SMCO3: variants seen among roughly 807,000 people sequenced by gnomAD.
The protein encoded by SMCO3 is single-pass membrane protein with coiled-coil domains 3.
Under a neutral mutation model 12.0 loss-of-function variants are expected in SMCO3, and 6 were observed. That is an observed-to-expected ratio of 0.50 (90% CI 0.27 to 0.99). The LOEUF is 0.99. Among genes scored for constraint, SMCO3 ranks in the 50% least tolerant of loss-of-function variants. The probability of loss-of-function intolerance (pLI) is 0.11; values close to 1 mark genes in which losing one functional copy is unlikely to be tolerated. For synonymous variants in SMCO3, 96 were observed against 96.4 expected, an observed-to-expected ratio of 1.00 and a Z score of 0.02; for missense variants, 279 against 265.0, an observed-to-expected ratio of 1.05 and a Z score of -0.37.
At position 14,805,982 on chromosome 12, in the gene SMCO3, A is replaced by G; in HGVS notation, c.*21T>C. On this transcript the variant is annotated 3_prime_UTR_variant, in exon 2 of 2. Coordinates refer to ENST00000316048, the MANE Select transcript of SMCO3 (RefSeq NM_001013698.2). ...TGAAAAGGAAGCAGAAAAACACTTC[A>G]GTGGCAAATAAAACGGCTGTTCATT... The G allele has an allele frequency of 6.3e-7, 1 of 1,577,468 alleles. No individual in the cohort carries two copies. The highest frequency in any genetic ancestry group is 8.6e-7 in the Non-Finnish European group (1 of 1,161,476).
At chr12:14,807,691 T>G (rs1950074900) in intron 1 of SMCO3, among the ~76,000 whole-genome samples, 1 of 152,186 alleles carries the variant, frequency 6.6e-6, no homozygotes, top group African/African-American at 2.4e-5. Flanking sequence ...TAAAATTTCA[T>G]GTGGGGAGAA....
chr12:14,811,082 A>C (rs948947928), intron 1 of SMCO3, among the ~76,000 whole-genome samples: 4 of 152,246 alleles, frequency 2.6e-5, no homozygotes, highest in African/African-American at 9.6e-5. Flanking sequence ...ATCCAGCTCT[A>C]ATTAACTACA....
At chr12:14,811,051 C>T (rs1248932758) in intron 1 of SMCO3, among the ~76,000 whole-genome samples, 1 of 152,146 alleles carries the variant, frequency 6.6e-6, no homozygotes, top group African/African-American at 2.4e-5. Flanking sequence ...ATTGTAGCAC[C>T]AACAGCAAGT....
In SMCO3 at chr12:14,805,783, T is replaced by C; in HGVS notation, c.*220A>G. On this transcript the variant is annotated 3_prime_UTR_variant, in exon 2 of 2. Transcript: ENST00000316048. ...GGTGTGAAAACATCCAGGGAGAAAATTTTTTTACCTCACAGGGTCTAGCAT... is the reference window on the plus strand; with the variant it reads ...GGTGTGAAAACATCCAGGGAGAAAACTTTTTTACCTCACAGGGTCTAGCAT... 1 of 526,194 alleles carries C rather than the reference T, an allele frequency of 1.9e-6. No individual in the cohort carries two copies. Among genetic ancestry groups the C allele is most frequent in the Middle Eastern group, 5.0e-4 (1 of 2,006 alleles). The allele number at this position is 526,194 out of a possible 1,614,324, so 32.6% of individuals were successfully genotyped here.
chr12:14,806,820 T>G, intron 1 of SMCO3, 124 bp from the exon 2 acceptor site: 1 of 893,362 alleles, frequency 1.1e-6, no homozygotes, highest in Non-Finnish European at 1.7e-6. Flanking sequence ...CTAAGGATAA[T>G]TCCTCAGAAC....
At chr12:14,809,680 C>T (rs146985930) in intron 1 of SMCO3, among the ~76,000 whole-genome samples, 9 of 151,882 alleles carry the variant, frequency 5.9e-5, no homozygotes, top group East Asian at 1.9e-4. Context: ...TTTCAAATAT[C>T]GGTATGGAGT....
intron 1 of SMCO3, among the ~76,000 whole-genome samples, chr12:14,812,438 C>T (rs969253807): frequency 2.7e-5 from 4 of 150,742 alleles, no homozygotes; most frequent in Non-Finnish European, 4.4e-5. Flanking sequence ...AGGGAGACTC[C>T]GTCTCAAAAA....
At chr12:14,810,307 G>T (rs1323087387) in intron 1 of SMCO3, among the ~76,000 whole-genome samples, 1 of 152,208 alleles carries the variant, frequency 6.6e-6, no homozygotes, top group Non-Finnish European at 1.5e-5. Context: ...AAGCACTGGG[G>T]AATTAGGAAG....
At chr12:14,807,386 C>T (rs1016843962) in intron 1 of SMCO3, among the ~76,000 whole-genome samples, 4 of 152,142 alleles carry the variant, frequency 2.6e-5, no homozygotes, top group Admixed American at 1.3e-4. Context: ...CTTAGTTTCC[C>T]GAACCCCTAG....
At chr12:14,807,696 G>A (rs1443826345) in intron 1 of SMCO3, among the ~76,000 whole-genome samples, 1 of 152,082 alleles carries the variant, frequency 6.6e-6, no homozygotes, top group African/African-American at 2.4e-5. Flanking sequence ...TTTCATGTGG[G>A]GAGAAGGTAG....
Position 14,806,096 on chromosome 12 carries a change from A to G in SMCO3, c.585T>C (p.Tyr195=). 1 of 1,614,138 alleles carries G rather than the reference A, an allele frequency of 6.2e-7. No individual in the cohort carries two copies. Among genetic ancestry groups the G allele is most frequent in the Non-Finnish European group, 8.5e-7 (1 of 1,180,004 alleles). Residue 195 remains tyrosine (Y), a synonymous_variant, in exon 2 of 2, where the codon TAT becomes TAC. Transcript: ENST00000316048. ...KTQLQAAIKS[Y]EKHLVEFKSA... is the part of the protein sequence containing the mutation. ...ATTTGAACTCCACCAGATGCTTCTC[A>G]TAACTTTTGATGGCTGCTTGAAGCT...
At chr12:14,806,726 A>G in intron 1 of SMCO3, 30 bp from the exon 2 acceptor site, 1 of 1,527,580 alleles carries the variant, frequency 6.5e-7, no homozygotes, top group South Asian at 1.3e-5. Flanking sequence ...ATTTTTACTG[A>G]AAGTCTTAAA....
intron 1 of SMCO3, among the ~76,000 whole-genome samples, chr12:14,807,802 A>G (rs1175655718): frequency 6.6e-6 from 1 of 152,228 alleles, no homozygotes; most frequent in Non-Finnish European, 1.5e-5. Context: ...TCTAAATAGT[A>G]TCGCACTTGG....
intron 1 of SMCO3, among the ~76,000 whole-genome samples, chr12:14,812,611 A>G (rs1181458729): frequency 6.6e-6 from 1 of 152,164 alleles, no homozygotes; most frequent in Non-Finnish European, 1.5e-5. Context: ...AGTACCTAGA[A>G]GAATTACATA....
At chr12:14,812,858 T>C (rs1191778669) in intron 1 of SMCO3, among the ~76,000 whole-genome samples, 1 of 152,178 alleles carries the variant, frequency 6.6e-6, no homozygotes, top group Non-Finnish European at 1.5e-5. Context: ...GTCACCCAGA[T>C]ACTGAGCATA....
At position 14,805,328 on chromosome 12, in the gene SMCO3, C is replaced by G. The variant is rs1272671752; in HGVS notation, c.*675G>C. ...GCGATATTTAATTATCACAGTTGGT[C>G]AGGGTTGATTGCAGTGACTGAAACA... On this transcript the variant is annotated 3_prime_UTR_variant, in exon 2 of 2. Transcript: ENST00000316048. 1.3e-5 allele frequency: 2 copies of G among 152,170 alleles called. No individual in the cohort carries two copies. The highest frequency in any genetic ancestry group is 2.4e-5 in the African/African-American group (1 of 41,434). 9.4% of individuals were successfully genotyped at this position (152,170 alleles called of 1,614,324 possible).
Position 14,805,377 on chromosome 12 carries a change from A to G in SMCO3, c.*626T>C, listed in dbSNP as rs915051002. 7.9e-5 allele frequency: 12 copies of G among 152,224 alleles called. No individual in the cohort carries two copies. Among genetic ancestry groups the G allele is most frequent in the African/African-American group, 2.9e-4 (12 of 41,532 alleles). The allele number at this position is 152,224 out of a possible 1,614,324, so 9.4% of individuals were successfully genotyped here. A position where few individuals can be genotyped will look rare whatever the true frequency, so the allele number is the denominator to read the frequency against. On this transcript the variant is annotated 3_prime_UTR_variant, in exon 2 of 2. Transcript: ENST00000316048. The stretch of plus-strand genomic sequence containing the variant: ...CAGGACCTTGATGTTTTTAGTTTTG[A>G]TTTTTACCATTTTCAAATCCATCCG...
Position 14,806,193 on chromosome 12 carries a change from A to C in SMCO3, c.488T>G (p.Ile163Ser). The part of the protein sequence containing the change: ...AQIGASLLGS[I>S]GVAVLGLGID... Reference sequence around the variant, plus strand: ...GCCAAGGCCAAGAACAGCAACTCCAATACTACCAAGGAGAGAAGCACCAAT... The same window carrying C: ...GCCAAGGCCAAGAACAGCAACTCCACTACTACCAAGGAGAGAAGCACCAAT... The change falls in exon 2 of 2, where the codon ATT becomes AGT. Residue 163 changes from isoleucine to serine, a missense_variant. By Grantham distance (142) the Ile-to-Ser change is moderately radical (BLOSUM62 -2). Transcript: ENST00000316048. 1 of 1,614,156 alleles carries C rather than the reference A, an allele frequency of 6.2e-7. No individual in the cohort carries two copies. The highest frequency in any genetic ancestry group is 1.1e-5 in the South Asian group (1 of 91,086).
intron 1 of SMCO3, among the ~76,000 whole-genome samples, chr12:14,808,436 T>C (rs528655076): frequency 6.6e-6 from 1 of 152,246 alleles, no homozygotes; most frequent in African/African-American, 2.4e-5. Context: ...TCCATATCCA[T>C]GTGGAATCTG....
Sources: allele counts gnomAD v4.1 joint callset (sites outside exome capture counted in the v4.1 genomes callset), GRCh38; gene constraint gnomAD v4.1.1; transcripts MANE v1.5; gene names NCBI Gene and HGNC (gene_info 2026-07-23, HGNC 2026-07-21).